Variants in NECAB2 observed in about 807,000 individuals in gnomAD.
The protein encoded by NECAB2 is N-terminal EF-hand calcium binding protein 2, also known as N-terminal EF-hand calcium-binding protein 2.
In NECAB2, 68 loss-of-function variants were observed where a neutral mutation model predicts 51.9. The observed-to-expected ratio is 1.31, with a 90% CI of 1.08 to 1.60. The LOEUF is 1.60. NECAB2 is among the 40% of genes most tolerant of loss of function. The pLI, the probability that NECAB2 is intolerant of heterozygous loss-of-function variation, is 0.00. For synonymous variants in NECAB2, 329 were observed against 203.5 expected (o/e 1.62, Z -5.25); for missense variants, 854 against 490.3 (o/e 1.74, Z -7.00).
In NECAB2 at chr16:84,000,781, G is replaced by C. The variant is rs539453642; in HGVS notation, c.1020G>C (p.Glu340Asp). 2.5e-6 allele frequency: 4 copies of C among 1,613,766 alleles called. No individual in the cohort carries two copies. Among genetic ancestry groups the C allele is most frequent in the Admixed American group, 1.7e-5 (1 of 60,018 alleles). The change falls in exon 11 of 13, where the codon GAG becomes GAC. Residue 340 changes from glutamate to aspartate, a missense_variant. Transcript: ENST00000305202. ...CCTTTGTCATCTATGAGTTCTGGGA[G>C]ACAGAGGAGGCGTGGAAGAGGTGAG... ...GFTFVIYEFW[E>D]TEEAWKRHLQ...
Position 84,002,374 on chromosome 16 carries a change from C to G in NECAB2, c.*28C>G, listed in dbSNP as rs2084855711. ...GCCTCCCAGAGGCCCGTGGAGGAGCCCACCAGCCCCTTCTTCTTGTGAAGG... is the reference window on the plus strand; with the variant it reads ...GCCTCCCAGAGGCCCGTGGAGGAGCGCACCAGCCCCTTCTTCTTGTGAAGG... On this transcript the variant is annotated 3_prime_UTR_variant, in exon 13 of 13. Transcript: ENST00000305202. 1 of 1,610,760 alleles carries G rather than the reference C, an allele frequency of 6.2e-7. No individual in the cohort carries two copies. The highest frequency in any genetic ancestry group is 1.4e-5 in the African/African-American group (1 of 73,906).
chr16:83,983,450 C>A (rs189092230), intron 5 of NECAB2, among the ~76,000 whole-genome samples: 2 of 152,274 alleles, frequency 1.3e-5, no homozygotes, highest in East Asian at 3.9e-4. Flanking sequence ...TGCTGATTAT[C>A]ATATTAATAC....
At chr16:83,976,762 G>A (rs966473166) in intron 2 of NECAB2, among the ~76,000 whole-genome samples, 5 of 152,172 alleles carry the variant, frequency 3.3e-5, no homozygotes, top group Non-Finnish European at 7.3e-5. Context: ...TTCTTTACCG[G>A]TCTCTGATAC....
chr16:83,969,040 C>G (rs2084320801), intron 1 of NECAB2, among the ~76,000 whole-genome samples, 191 bp downstream of exon 1: 1 of 151,568 alleles, frequency 6.6e-6, no homozygotes, highest in Non-Finnish European at 1.5e-5. Flanking sequence ...CCAGCCCAGT[C>G]CTCTCCCTGG....
At chr16:83,972,398 C>G (rs962890130) in intron 2 of NECAB2, among the ~76,000 whole-genome samples, 5 of 152,214 alleles carry the variant, frequency 3.3e-5, no homozygotes, top group African/African-American at 1.2e-4. Context: ...CAGCTCCACT[C>G]AAGGGCTCAG....
chr16:84,000,829 GA>G (rs757366720), intron 11 of NECAB2, 28 bp downstream of exon 11: 88 of 1,602,728 alleles, frequency 5.5e-5, no homozygotes, highest in African/African-American at 4.0e-4. Context: ...CACAGCAGGT[GA>G]GGGAGACAGA....
intron 1 of NECAB2, among the ~76,000 whole-genome samples, chr16:83,970,349 A>G (rs1008840386): frequency 6.6e-6 from 1 of 151,924 alleles, no homozygotes; most frequent in Non-Finnish European, 1.5e-5. Context: ...GATCTGGGAC[A>G]CCCAGATAGG....
At chr16:83,972,043 C>G in intron 1 of NECAB2, 108 bp from the exon 2 acceptor site, 1 of 1,487,856 alleles carries the variant, frequency 6.7e-7, no homozygotes, top group Non-Finnish European at 9.2e-7. Context: ...TTCCCAGGAC[C>G]CTAAGCTGCT....
In NECAB2 at chr16:83,994,344, G is replaced by C. The variant is rs755866341; in HGVS notation, c.639G>C (p.Trp213Cys). 2.5e-6 allele frequency: 4 copies of C among 1,614,058 alleles called. No homozygotes were observed. In the South Asian group the frequency reaches 3.3e-5, roughly 13 times the overall value. ...CCAGCCACAGCGCGGCACAGACCTG[G>C]TGTGGAAGCCCCACTCCCGCCTCTG... ...IKPSHSAAQT[W>C]CGSPTPASAP... The change falls in exon 7 of 13, where the codon TGG becomes TGC. Residue 213 changes from tryptophan to cysteine, a missense_variant. Coordinates refer to ENST00000305202, the MANE Select transcript of NECAB2 (RefSeq NM_019065.3).
chr16:83,985,478 C>T (rs1329375089), intron 5 of NECAB2, among the ~76,000 whole-genome samples: 1 of 151,228 alleles, frequency 6.6e-6, no homozygotes, highest in Non-Finnish European at 1.5e-5. Context: ...ACTAAAAATA[C>T]AAAAATTAGC....
rs71148868 is a variant in NECAB2 at position 83,985,313 on chromosome 16, CAAAAAAAAAAAAAAAAAA to C, written c.459+4202_459+4219del. On this transcript the variant is annotated intron_variant, in intron 5 of 12. Coordinates refer to ENST00000305202, the MANE Select transcript of NECAB2 (RefSeq NM_019065.3). ...GGACAACAAGAGCAAATCTCTGTCT[CAAAAAAAAAAAAAAAAAA>C]AAAAAAAAAAAAAAAGGTTACTGCT... Among the ~76,000 whole-genome samples, 7 of 30,160 alleles carry C rather than the reference CAAAAAAAAAAAAAAAAAA, an allele frequency of 2.3e-4. No homozygotes were observed. In the East Asian group the frequency reaches 0.013, roughly 56 times the overall value. The allele number at this position is 30,160 out of a possible 152,430, so 19.8% of individuals were successfully genotyped here.
rs1279690094 is a variant in NECAB2, at chr16:83,999,807, G to A, written c.963-917G>A. Among the ~76,000 whole-genome samples, 6 of 152,146 alleles carry A rather than the reference G, an allele frequency of 3.9e-5. No individual in the cohort carries two copies. The East Asian group carries it at 1.2e-3, about 29-fold the overall frequency. On this transcript the variant is annotated intron_variant, in intron 10 of 12. Transcript: ENST00000305202. ...TCAGGTCAGGTACAGTGCAGTGGGG[G>A]TGTTGCAAGGATTAAATGAGAGGAC...
intron 5 of NECAB2, among the ~76,000 whole-genome samples, chr16:83,985,681 A>T (rs1209936579): frequency 6.6e-6 from 1 of 152,038 alleles, no homozygotes; most frequent in Non-Finnish European, 1.5e-5. Flanking sequence ...GCAATCACAG[A>T]TGTTAATGTG....
intron 8 of NECAB2, among the ~76,000 whole-genome samples, chr16:83,995,655 T>C (rs1325772148): frequency 6.6e-6 from 1 of 152,186 alleles, no homozygotes; most frequent in Non-Finnish European, 1.5e-5. Context: ...TTGTGTATTT[T>C]TTTTACACCC....
chr16:83,972,443 G>A (rs1201241337), intron 2 of NECAB2, among the ~76,000 whole-genome samples: 1 of 152,256 alleles, frequency 6.6e-6, no homozygotes, highest in Non-Finnish European at 1.5e-5. Flanking sequence ...ACAATGACTG[G>A]CCGTGGTAAG....
Position 83,998,454 on chromosome 16 carries a change from A to G in NECAB2, c.962+137A>G, listed in dbSNP as rs1258780271. The G allele has an allele frequency of 1.0e-5, 8 of 800,538 alleles. No homozygotes were observed. The Admixed American group carries it at 1.5e-4, about 15-fold the overall frequency. The allele number at this position is 800,538 out of a possible 1,614,324, so 49.6% of individuals were successfully genotyped here. A position where few individuals can be genotyped will look rare whatever the true frequency, so the allele number is the denominator to read the frequency against. ...GACACACACAGCTGGATGCGTAAGA[A>G]GTGGGTTCAGGTCTCTACTGAGGTT... On this transcript the variant is annotated intron_variant, in intron 10 of 12. Coordinates refer to ENST00000305202, the MANE Select transcript of NECAB2 (RefSeq NM_019065.3).
chr16:83,993,062 C>G (rs2084646638), intron 6 of NECAB2, among the ~76,000 whole-genome samples: 1 of 152,152 alleles, frequency 6.6e-6, no homozygotes, highest in Non-Finnish European at 1.5e-5. Flanking sequence ...GACGGGGCAG[C>G]TTGTCGTGAT....
chr16:83,968,549 C>A lies in NECAB2; in HGVS notation c.-100C>A, dbSNP rs866536418. Reference sequence around the variant, plus strand: ...GCCGCGGGGGCAGCGGGAGAGAGGGCGGGGCGGCGCGGGCAGCGCGGGGAG... The same window carrying A: ...GCCGCGGGGGCAGCGGGAGAGAGGGAGGGGCGGCGCGGGCAGCGCGGGGAG... On this transcript the variant is annotated 5_prime_UTR_variant, in exon 1 of 13. Coordinates refer to ENST00000305202, the MANE Select transcript of NECAB2 (RefSeq NM_019065.3). The A allele has an allele frequency of 2.1e-5, 19 of 909,648 alleles. No homozygotes were observed. The African/African-American group carries it at 3.1e-4, about 15-fold the overall frequency. 56.3% of individuals were successfully genotyped at this position (909,648 alleles called of 1,614,324 possible). A position where few individuals can be genotyped will look rare whatever the true frequency, so the allele number is the denominator to read the frequency against.
At chr16:83,993,353 G>A (rs1010048699) in intron 6 of NECAB2, 2 of 152,252 alleles carry the variant, frequency 1.3e-5, no homozygotes, top group Non-Finnish European at 2.9e-5. Context: ...GGCGGGAGTC[G>A]AGTTTGCTCC....
Sources: gnomAD v4.1 joint callset for allele counts (sites outside exome capture counted in the v4.1 genomes callset) on GRCh38, gnomAD v4.1.1 for gene constraint, MANE v1.5 for transcripts, NCBI Gene and HGNC (gene_info 2026-07-23, HGNC 2026-07-21) for gene names.